SLC6A17: variants seen among roughly 807,000 people sequenced by gnomAD.
The protein encoded by SLC6A17 is sodium-dependent neutral amino acid transporter SLC6A17.
A neutral mutation model predicts 64.5 loss-of-function variants in SLC6A17; 21 were observed. The ratio of observed to expected loss-of-function variants is 0.33; its 90% CI spans 0.23 to 0.47. SLC6A17 has a LOEUF of 0.47. Among genes scored for constraint, SLC6A17 ranks in the 20% least tolerant of loss-of-function variants. The pLI is 1.00. For missense variants in SLC6A17, 682 were observed against 963.2 expected, an observed-to-expected ratio of 0.71 and a Z score of 3.86; for synonymous variants, 372 against 399.5, an observed-to-expected ratio of 0.93 and a Z score of 0.82.
chr1:110,163,322 C>T (rs1655967582), intron 1 of SLC6A17, among the ~76,000 whole-genome samples: 1 of 152,126 alleles, frequency 6.6e-6, no homozygotes, highest in Non-Finnish European at 1.5e-5. Flanking sequence ...CCTCCACTCC[C>T]ATGGTCAGCT....
intron 1 of SLC6A17, among the ~76,000 whole-genome samples, chr1:110,158,256 A>G (rs899377572): frequency 2.0e-5 from 3 of 152,120 alleles, no homozygotes; most frequent in African/African-American, 7.2e-5. Context: ...TTTAAATGCC[A>G]TATTTTAAAA....
At chr1:110,177,076 G>A (rs1323585557) in intron 6 of SLC6A17, among the ~76,000 whole-genome samples, 1 of 152,224 alleles carries the variant, frequency 6.6e-6, no homozygotes, top group Non-Finnish European at 1.5e-5. Flanking sequence ...GGAAAACACT[G>A]GGCGTGCTTG....
At chr1:110,176,442 C>T (rs1271958583) in intron 5 of SLC6A17, among the ~76,000 whole-genome samples, 187 bp from the exon 6 acceptor site, 2 of 152,180 alleles carry the variant, frequency 1.3e-5, no homozygotes, top group Non-Finnish European at 2.9e-5. Flanking sequence ...CCAGCTTGTC[C>T]TGTTCCTGCT....
chr1:110,200,042 T>G lies in SLC6A17; in HGVS notation c.*1598T>G. 1 of 398,328 alleles carries G rather than the reference T, an allele frequency of 2.5e-6. No homozygotes were observed. The highest frequency in any genetic ancestry group is 4.4e-6 in the Non-Finnish European group (1 of 225,986). The allele number at this position is 398,328 out of a possible 1,614,324, so 24.7% of individuals were successfully genotyped here. ...CTGGCTCCATCTTTGAGAGCTCTGG[T>G]GGGCAGGGCAGAAACAGGCCACAGT... On this transcript the variant is annotated 3_prime_UTR_variant, in exon 12 of 12. Transcript: ENST00000331565.
chr1:110,192,726 A>C lies in SLC6A17; in HGVS notation c.1299+28A>C. The C allele has an allele frequency of 6.3e-7, 1 of 1,594,724 alleles. No individual in the cohort carries two copies. Among genetic ancestry groups the C allele is most frequent in the South Asian group, 1.1e-5 (1 of 88,598 alleles). ...GCGGGGACAGGCTGCCCTTCCCAGGACAGGCAGGAACCCAGAGAGCAGCTG... is the reference window on the plus strand; with the variant it reads ...GCGGGGACAGGCTGCCCTTCCCAGGCCAGGCAGGAACCCAGAGAGCAGCTG... On this transcript the variant is annotated intron_variant, in intron 8 of 11. Coordinates refer to ENST00000331565, the MANE Select transcript of SLC6A17 (RefSeq NM_001010898.4). This position sits in a 1 kb window ranked among gnomAD's most constrained non-coding sequence, Gnocchi z 4.3.
At chr1:110,158,063 C>T (rs1464225490) in intron 1 of SLC6A17, among the ~76,000 whole-genome samples, 1 of 152,140 alleles carries the variant, frequency 6.6e-6, no homozygotes, top group African/African-American at 2.4e-5. Flanking sequence ...TATATGTACA[C>T]TATAAATTAT....
intron 3 of SLC6A17, among the ~76,000 whole-genome samples, chr1:110,173,022 A>T (rs1175392121): frequency 1.3e-5 from 2 of 152,212 alleles, no homozygotes; most frequent in African/African-American, 4.8e-5. Context: ...GAGAGGGCCT[A>T]TTGCAGCCCC....
rs535899693 is a variant in SLC6A17, at chr1:110,161,275, C to T, written c.-87-5568C>T. Reference sequence around the variant, plus strand: ...AGGAGAACAGTTTGGGCCACAGCTGCCTGTCATGAAGAAATCAGGAAGCTG... The same window carrying T: ...AGGAGAACAGTTTGGGCCACAGCTGTCTGTCATGAAGAAATCAGGAAGCTG... On this transcript the variant is annotated intron_variant, in intron 1 of 11. Transcript: ENST00000331565. 7.2e-5 allele frequency among the ~76,000 whole-genome samples: 11 copies of T among 152,300 alleles called. No homozygotes were observed. In the South Asian group the frequency reaches 2.3e-3, roughly 32 times the overall value.
chr1:110,191,996 G>A lies in SLC6A17; in HGVS notation c.889G>A (p.Val297Met). The A allele has an allele frequency of 6.2e-7, 1 of 1,613,730 alleles. No homozygotes were observed. Among genetic ancestry groups the A allele is most frequent in the Non-Finnish European group, 8.5e-7 (1 of 1,179,626 alleles). Residue 297 changes from valine (V) to methionine (M), a missense_variant, in exon 7 of 12, where the codon GTG becomes ATG. Transcript: ENST00000331565. ...PKLDKMLDPQ[V>M]WREAATQVFF... ...GCTGGACAAGATGCTGGACCCCCAG[G>A]TGTGGCGGGAGGCAGCTACCCAGGT...
At chr1:110,174,237 C>G in intron 4 of SLC6A17, 138 bp downstream of exon 4, 2 of 1,254,976 alleles carry the variant, frequency 1.6e-6, no homozygotes, top group African/African-American at 1.5e-5. Flanking sequence ...ATCCTCATTT[C>G]CCCTTCCCCA....
At chr1:110,159,899 T>C (rs1468585002) in intron 1 of SLC6A17, among the ~76,000 whole-genome samples, 1 of 152,220 alleles carries the variant, frequency 6.6e-6, no homozygotes, top group African/African-American at 2.4e-5. Flanking sequence ...ACTCATTCAA[T>C]TCCATCATAT....
intron 2 of SLC6A17, among the ~76,000 whole-genome samples, chr1:110,169,220 C>G (rs78580381): frequency 6.6e-6 from 1 of 152,146 alleles, no homozygotes; most frequent in Non-Finnish European, 1.5e-5. Context: ...CTTAGCTCCA[C>G]GAAATGTTGA....
intron 9 of SLC6A17, 58 bp from the exon 10 acceptor site, chr1:110,195,528 C>T: frequency 6.2e-7 from 1 of 1,600,270 alleles, no homozygotes. Flanking sequence ...CCCGAGACCC[C>T]CAGGGCCCTG....
rs1272896886 is a variant in SLC6A17, at chr1:110,194,768, A to C, written c.1489A>C (p.Thr497Pro). The change falls in exon 9 of 12, where the codon ACA becomes CCA. Residue 497 changes from threonine to proline, a missense_variant. Coordinates refer to ENST00000331565, the MANE Select transcript of SLC6A17 (RefSeq NM_001010898.4). ...CTTCAAGGTGCCCAAGGAGATGTTC[A>C]CAGGTAACTCCTCCCTGCCCCCATG... ...DTFKVPKEMF[T>P]VGCCVFAFLV... 1 of 1,612,820 alleles carries C rather than the reference A, an allele frequency of 6.2e-7. No homozygotes were observed. The highest frequency in any genetic ancestry group is 8.5e-7 in the Non-Finnish European group (1 of 1,180,028).
At chr1:110,170,255 C>T (rs1377417796) in intron 2 of SLC6A17, among the ~76,000 whole-genome samples, 5 of 152,038 alleles carry the variant, frequency 3.3e-5, no homozygotes, top group Non-Finnish European at 7.4e-5. Flanking sequence ...GAGGCCGAGG[C>T]GGGCGGATCA....
chr1:110,198,370 G>T lies in SLC6A17; in HGVS notation c.2110G>T (p.Glu704Ter). ...GGGGCCCGGCAGCACATCACCCCTG[G>T]AGACCAGCGGTAACCCCAATGGACG... ...YLGPGSTSPL[E>*]TSGNPNGRYG... Residue 704 changes from glutamate (E) to a stop codon, truncating the protein, a stop_gained, in exon 12 of 12, where the codon GAG becomes TAG. Transcript: ENST00000331565. LOFTEE classifies it high-confidence loss of function. 1.9e-6 allele frequency: 3 copies of T among 1,614,060 alleles called. No homozygotes were observed. Among genetic ancestry groups the T allele is most frequent in the Middle Eastern group, 1.6e-4 (1 of 6,062 alleles).
chr1:110,162,051 G>A (rs1471442528), intron 1 of SLC6A17, among the ~76,000 whole-genome samples: 1 of 152,246 alleles, frequency 6.6e-6, no homozygotes, highest in African/African-American at 2.4e-5. Context: ...TGACAAGCTG[G>A]CACCAAGGGC....
At chr1:110,151,981 A>G (rs953841393) in intron 1 of SLC6A17, among the ~76,000 whole-genome samples, 6 of 152,166 alleles carry the variant, frequency 3.9e-5, no homozygotes, top group African/African-American at 1.4e-4. Flanking sequence ...TCAGGAACAA[A>G]GACAATCCTG....
At chr1:110,183,413 T>G (rs1021266566) in intron 6 of SLC6A17, among the ~76,000 whole-genome samples, 1 of 152,034 alleles carries the variant, frequency 6.6e-6, no homozygotes, top group African/African-American at 2.4e-5. Flanking sequence ...ATGTCCAGAA[T>G]AGGTGAATCC....
Sources: gnomAD v4.1 joint callset for allele counts (sites outside exome capture counted in the v4.1 genomes callset) on GRCh38, gnomAD v4.1.1 for gene constraint, Gnocchi (gnomAD v3.1) non-coding constraint, MANE v1.5 for transcripts, NCBI Gene and HGNC (gene_info 2026-07-23, HGNC 2026-07-21) for gene names.